The following LRRC9 variants were observed in gnomAD, a reference collection of about 807,000 sequenced individuals.
LRRC9 encodes leucine rich repeat containing 9.
LRRC9 carries 122 observed loss-of-function variants against 63.2 expected under a neutral mutation model. The ratio of observed to expected loss-of-function variants is 1.93; its 90% CI spans 1.67 to 2.24. The LOEUF is 2.24. LRRC9 is among the 30% of genes most tolerant of loss of function. The pLI is 0.00. For missense variants in LRRC9, 1,071 were observed against 627.7 expected, an observed-to-expected ratio of 1.71 and a Z score of -7.55; for synonymous variants, 366 against 213.1, an observed-to-expected ratio of 1.72 and a Z score of -6.25.
rs116045181 is a variant in LRRC9 at position 60,025,250 on chromosome 14, C to T, written c.3703+2380C>T. ...GGACTATAGGCTTGTGCCACCATGC[C>T]TGGCTAATTTTTTAATTTTTCTATC... On this transcript the variant is annotated intron_variant, in intron 27 of 31. Coordinates refer to ENST00000445360, the Ensembl canonical transcript of LRRC9. Among the ~76,000 whole-genome samples the T allele has an allele frequency of 3.0e-3, 456 of 151,772 alleles. 3 individuals are homozygous for T. The highest frequency in any genetic ancestry group is 0.011 in the African/African-American group (436 of 41,446).
chr14:59,997,815 A>C, exon 18 of LRRC9: 5 of 700,608 alleles, frequency 7.1e-6, no homozygotes, highest in Non-Finnish European at 1.3e-5. Context: ...AAGCCTTCTC[A>C]CTCTTGATAT....
At chr14:59,960,816 C>T (rs1884273845) in intron 9 of LRRC9, 98 bp from the exon 10 acceptor site, 1 of 484,842 alleles carries the variant, frequency 2.1e-6, no homozygotes, top group Non-Finnish European at 3.6e-6. Flanking sequence ...GAAAGGAAGC[C>T]TTGTGTTTTA....
In LRRC9 at chr14:59,997,643, A is replaced by G; in HGVS notation, c.2212-13A>G. 2 of 660,670 alleles carry G rather than the reference A, an allele frequency of 3.0e-6. No individual in the cohort carries two copies. Among genetic ancestry groups the G allele is most frequent in the Non-Finnish European group, 5.5e-6 (2 of 364,636 alleles). The allele number at this position is 660,670 out of a possible 1,614,324, so 40.9% of individuals were successfully genotyped here. ...GATTCTCTTAGCATCACTTTTATTT[A>G]TATGTGTTGCAGTATAACCTTGAAT... On this transcript the variant is annotated splice_polypyrimidine_tract_variant and intron_variant, in intron 17 of 31. Transcript: ENST00000445360.
chr14:59,980,978 T>C (rs970055230), intron 15 of LRRC9, among the ~76,000 whole-genome samples: 8 of 152,156 alleles, frequency 5.3e-5, no homozygotes, highest in African/African-American at 1.9e-4. Context: ...AGTTTGCTTC[T>C]CTTAGTTTCT....
exon 31 of LRRC9, chr14:60,057,925 A>G: frequency 1.4e-6 from 1 of 691,570 alleles, no homozygotes; most frequent in Middle Eastern, 2.3e-4. Context: ...CATTTGGCCA[A>G]GTGAAAACTC....
intron 17 of LRRC9, among the ~76,000 whole-genome samples, chr14:59,996,214 A>G (rs1888772846): frequency 6.6e-6 from 1 of 152,108 alleles, no homozygotes; most frequent in Non-Finnish European, 1.5e-5. Context: ...TTTTTTCTAA[A>G]GTTATGGCCT....
At chr14:59,935,569 C>T (rs1890075220) in intron 6 of LRRC9, among the ~76,000 whole-genome samples, 1 of 152,138 alleles carries the variant, frequency 6.6e-6, no homozygotes, top group Non-Finnish European at 1.5e-5. Context: ...AAGCTTTATA[C>T]TTAAAATAGG....
chr14:59,947,931 T>G (rs2139882848), intron 8 of LRRC9, among the ~76,000 whole-genome samples: 1 of 152,122 alleles, frequency 6.6e-6, no homozygotes, highest in South Asian at 2.1e-4. Context: ...TAGTTTGAAG[T>G]CAGGTAGTGT....
intron 26 of LRRC9, among the ~76,000 whole-genome samples, chr14:60,022,233 T>C (rs1044452713): frequency 6.6e-6 from 1 of 151,876 alleles, no homozygotes; most frequent in Non-Finnish European, 1.5e-5. Flanking sequence ...TGCTGAAGTA[T>C]TTTATTCTTT....
At chr14:59,972,014 C>T (rs1885564320) in intron 12 of LRRC9, among the ~76,000 whole-genome samples, 1 of 152,122 alleles carries the variant, frequency 6.6e-6, no homozygotes, top group Admixed American at 6.5e-5. Context: ...GTCCACATTC[C>T]TCTGCCTGGC....
chr14:59,982,613 A>T (rs1363948718), intron 16 of LRRC9, among the ~76,000 whole-genome samples: 1 of 114,794 alleles, frequency 8.7e-6, no homozygotes, highest in African/African-American at 2.7e-5. Context: ...TAATCCATTC[A>T]TGAAGGCAGA....
At chr14:59,989,663 T>A (rs193192515) in intron 17 of LRRC9, among the ~76,000 whole-genome samples, 1 of 152,310 alleles carries the variant, frequency 6.6e-6, no homozygotes, top group Admixed American at 6.5e-5. Flanking sequence ...ACTTTTTTGC[T>A]ACCAGTAATA....
Position 60,048,564 on chromosome 14 carries a change from G to T in LRRC9, c.3991-4501G>T, listed in dbSNP as rs118102484. Among the ~76,000 whole-genome samples, 512 of 152,052 alleles carry T rather than the reference G, an allele frequency of 3.4e-3. 17 individuals are homozygous for T. In the East Asian group the frequency reaches 0.057, roughly 17 times the overall value. ...GAAGAAATGGATAAATTCCTGGATA[G>T]GTACACCCTCCCAAGACTGAACTAG... On this transcript the variant is annotated intron_variant, in intron 29 of 31. Coordinates refer to ENST00000445360, the Ensembl canonical transcript of LRRC9.
At chr14:59,975,117 A>G (rs1190322092) in intron 13 of LRRC9, among the ~76,000 whole-genome samples, 3 of 16,654 alleles carry the variant, frequency 1.8e-4, no homozygotes, top group African/African-American at 3.1e-4. Context: ...ATATATGTAT[A>G]TATATATATG....
intron 23 of LRRC9, among the ~76,000 whole-genome samples, chr14:60,013,580 T>C (rs1890431541): frequency 6.6e-6 from 1 of 152,126 alleles, no homozygotes; most frequent in Non-Finnish European, 1.5e-5. Flanking sequence ...CTTCAAATAT[T>C]TTGCAGCTCT....
chr14:60,064,645 T>A (rs939826433), downstream of LRRC9, among the ~76,000 whole-genome samples: 6 of 152,206 alleles, frequency 3.9e-5, no homozygotes, highest in Non-Finnish European at 8.8e-5. Flanking sequence ...GGAAATAGGA[T>A]CTTTTGTTTA....
Sources: allele counts gnomAD v4.1 joint callset (sites outside exome capture counted in the v4.1 genomes callset), GRCh38; gene constraint gnomAD v4.1.1; transcripts MANE v1.5; gene names NCBI Gene and HGNC (gene_info 2026-07-23, HGNC 2026-07-21).